GRIA1: variants seen among roughly 807,000 people sequenced by gnomAD.
GRIA1 encodes glutamate ionotropic receptor AMPA type subunit 1.
GRIA1 carries 31 observed loss-of-function variants against 99.2 expected under a neutral mutation model. The observed-to-expected ratio is 0.31, with a 90% CI of 0.23 to 0.42. GRIA1 has a LOEUF of 0.42. Among genes scored for constraint, GRIA1 ranks in the 10% least tolerant of loss-of-function variants. The pLI, the probability that GRIA1 is intolerant of heterozygous loss-of-function variation, is 1.00. For synonymous variants in GRIA1, 438 were observed against 432.4 expected (o/e 1.01, Z -0.16); for missense variants, 782 against 1,157.5 (o/e 0.68, Z 4.71).
At chr5:153,607,969 AT>A (rs1005618842) in intron 2 of GRIA1, among the ~76,000 whole-genome samples, 4 of 151,588 alleles carry the variant, frequency 2.6e-5, no homozygotes, top group Admixed American at 2.0e-4. Flanking sequence ...GTTGTTGACA[AT>A]TTTTTTTCTT....
intron 3 of GRIA1, among the ~76,000 whole-genome samples, chr5:153,648,838 A>ACCCCC (rs35300119): frequency 1.4e-5 from 2 of 148,064 alleles, no homozygotes; most frequent in African/African-American, 5.0e-5. Flanking sequence ...TAATAATGAC[A>ACCCCC]CCCCCCCCCA....
chr5:153,621,991 A>C (rs1324152112), intron 2 of GRIA1, among the ~76,000 whole-genome samples: 1 of 152,178 alleles, frequency 6.6e-6, no homozygotes, highest in African/African-American at 2.4e-5. Flanking sequence ...GGAGCTGCTA[A>C]ACAGAACATG....
intron 11 of GRIA1, among the ~76,000 whole-genome samples, chr5:153,711,982 G>A (rs937935111): frequency 6.6e-6 from 1 of 152,172 alleles, no homozygotes; most frequent in African/African-American, 2.4e-5. Flanking sequence ...TCTAAGGCGG[G>A]GGGAGTGATG....
intron 2 of GRIA1, among the ~76,000 whole-genome samples, chr5:153,645,928 T>C (rs1396950407): frequency 6.6e-6 from 1 of 152,202 alleles, no homozygotes; most frequent in Non-Finnish European, 1.5e-5. Flanking sequence ...ATGACTTTCC[T>C]CACCATCCAC....
In GRIA1 at chr5:153,566,193, T is replaced by C. The variant is rs530417539; in HGVS notation, c.220+72128T>C. The stretch of plus-strand genomic sequence containing the variant: ...CTGTGGGTATGAAGTGGTATCTCAT[T>C]GTGGTTTTGATTTACATTTTGTAAC... On this transcript the variant is annotated intron_variant, in intron 2 of 15. Transcript: ENST00000285900. Among the ~76,000 whole-genome samples, 19 of 152,208 alleles carry C rather than the reference T, an allele frequency of 1.2e-4. No homozygotes were observed. In the East Asian group the frequency reaches 1.5e-3, roughly 12 times the overall value.
intron 2 of GRIA1, among the ~76,000 whole-genome samples, chr5:153,618,539 G>A (rs1766726579): frequency 6.6e-6 from 1 of 152,128 alleles, no homozygotes; most frequent in South Asian, 2.1e-4. Flanking sequence ...AAAGAGGAGT[G>A]ACAGCTGACA....
chr5:153,644,711 G>A (rs1345487578), intron 2 of GRIA1, among the ~76,000 whole-genome samples: 1 of 152,000 alleles, frequency 6.6e-6, no homozygotes, highest in East Asian at 1.9e-4. Context: ...TAGAAGAGGT[G>A]ATGAAGCAAG....
intron 2 of GRIA1, among the ~76,000 whole-genome samples, chr5:153,545,616 T>C (rs1238667645): frequency 2.6e-5 from 4 of 152,192 alleles, no homozygotes; most frequent in Non-Finnish European, 4.4e-5. Context: ...GCTAACTGCA[T>C]GCTAAGCTTG....
chr5:153,691,728 C>T (rs1001298575), intron 8 of GRIA1, among the ~76,000 whole-genome samples: 1 of 152,116 alleles, frequency 6.6e-6, no homozygotes, highest in Non-Finnish European at 1.5e-5. Context: ...TAGCCTAAAC[C>T]TCACCACCTC....
intron 13 of GRIA1, among the ~76,000 whole-genome samples, chr5:153,775,339 A>T (rs569912403): frequency 6.6e-6 from 1 of 152,356 alleles, no homozygotes; most frequent in East Asian, 1.9e-4. Context: ...GGATTTGCTA[A>T]GAGTTAGACC....
At chr5:153,571,147 T>C (rs909174499) in intron 2 of GRIA1, among the ~76,000 whole-genome samples, 6 of 152,192 alleles carry the variant, frequency 3.9e-5, no homozygotes, top group Non-Finnish European at 8.8e-5. Context: ...CCTTGGCCTC[T>C]ATCCATTATA....
intron 7 of GRIA1, 112 bp downstream of exon 7, chr5:153,677,273 C>T (rs1259437188): frequency 2.4e-6 from 2 of 850,724 alleles, no homozygotes; most frequent in Admixed American, 4.1e-5. Context: ...GCCTGAAGTT[C>T]AGAACAACCA....
chr5:153,799,496 C>G (rs1286145173), intron 14 of GRIA1, among the ~76,000 whole-genome samples: 1 of 152,280 alleles, frequency 6.6e-6, no homozygotes, highest in Non-Finnish European at 1.5e-5. Context: ...AATTGAAACT[C>G]CTCAGCTATC....
intron 5 of GRIA1, among the ~76,000 whole-genome samples, chr5:153,670,874 CT>C (rs1756117243): frequency 6.6e-6 from 1 of 151,884 alleles, no homozygotes; most frequent in African/African-American, 2.4e-5. Flanking sequence ...GAAATTTAGT[CT>C]AGTAACTATA....
chr5:153,764,332 T>TGACC (rs1318609897), intron 11 of GRIA1, 102 bp from the exon 12 acceptor site: 1 of 825,756 alleles, frequency 1.2e-6, no homozygotes, highest in African/African-American at 1.7e-5. Flanking sequence ...CAATAGGGCC[T>TGACC]GACCGCTCTG....
chr5:153,524,066 G>A (rs1016756600), intron 2 of GRIA1, among the ~76,000 whole-genome samples: 2 of 152,208 alleles, frequency 1.3e-5, no homozygotes, highest in Non-Finnish European at 2.9e-5. Flanking sequence ...AGTGGCTCAC[G>A]CCTGTAATCC....
intron 2 of GRIA1, among the ~76,000 whole-genome samples, chr5:153,507,732 T>G (rs148974028): frequency 6.6e-6 from 1 of 152,330 alleles, no homozygotes; most frequent in East Asian, 1.9e-4. Context: ...TTTCTGATCA[T>G]CAAGCTTCTT....
At chr5:153,502,043 A>G (rs1755056823) in intron 2 of GRIA1, among the ~76,000 whole-genome samples, 2 of 152,224 alleles carry the variant, frequency 1.3e-5, no homozygotes, top group African/African-American at 4.8e-5. Context: ...CTCTGCTGAA[A>G]TTCTGTCCTT....
intron 4 of GRIA1, among the ~76,000 whole-genome samples, chr5:153,655,140 G>C (rs1561734277): frequency 6.6e-6 from 1 of 152,170 alleles, no homozygotes; most frequent in African/African-American, 2.4e-5. Flanking sequence ...TTTTCCCTCT[G>C]TGGGTCTTGA....
Sources: gnomAD v4.1 joint callset for allele counts (sites outside exome capture counted in the v4.1 genomes callset) on GRCh38, gnomAD v4.1.1 for gene constraint, MANE v1.5 for transcripts, NCBI Gene and HGNC (gene_info 2026-07-23, HGNC 2026-07-21) for gene names.